Variants in VWC2L observed in about 807,000 individuals in gnomAD.
VWC2L encodes von Willebrand factor C domain-containing protein 2-like.
A neutral mutation model predicts 21.6 loss-of-function variants in VWC2L; 10 were observed. The ratio of observed to expected loss-of-function variants is 0.46; its 90% CI spans 0.29 to 0.78. The LOEUF is 0.78. Ranked by LOEUF, VWC2L falls within the 30% of genes least tolerant of loss-of-function variation. VWC2L has a pLI of 0.10. For synonymous variants in VWC2L, 96 were observed against 94.3 expected, an observed-to-expected ratio of 1.02 and a Z score of -0.10; for missense variants, 209 against 277.1, an observed-to-expected ratio of 0.75 and a Z score of 1.74.
At chr2:214,551,171 C>T (rs1689788512) in intron 3 of VWC2L, among the ~76,000 whole-genome samples, 1 of 152,126 alleles carries the variant, frequency 6.6e-6, no homozygotes, top group African/African-American at 2.4e-5. Flanking sequence ...GTTCGAAGGT[C>T]AGAGAAAGTA....
At chr2:214,568,135 T>C (rs1458958639) in intron 3 of VWC2L, among the ~76,000 whole-genome samples, 2 of 152,212 alleles carry the variant, frequency 1.3e-5, no homozygotes, top group African/African-American at 4.8e-5. Context: ...TCTCTGAGCT[T>C]TACTTTCCTC....
intron 3 of VWC2L, among the ~76,000 whole-genome samples, chr2:214,455,156 C>T (rs1217448879): frequency 6.6e-6 from 1 of 152,040 alleles, no homozygotes; most frequent in Non-Finnish European, 1.5e-5. Flanking sequence ...AATTAGTATA[C>T]ATATATATGT....
intron 3 of VWC2L, among the ~76,000 whole-genome samples, chr2:214,548,371 G>T (rs1414628051): frequency 6.6e-6 from 1 of 152,186 alleles, no homozygotes; most frequent in Non-Finnish European, 1.5e-5. Flanking sequence ...AAAAATGCAT[G>T]TTGGCAGAGA....
At chr2:214,481,009 T>C (rs979182887) in intron 3 of VWC2L, among the ~76,000 whole-genome samples, 10 of 151,934 alleles carry the variant, frequency 6.6e-5, no homozygotes, top group Non-Finnish European at 1.2e-4. Flanking sequence ...TGAGCTAAAG[T>C]ACTGAGCTAA....
At chr2:214,488,938 C>A (rs1688710084) in intron 3 of VWC2L, among the ~76,000 whole-genome samples, 1 of 152,162 alleles carries the variant, frequency 6.6e-6, no homozygotes, top group Non-Finnish European at 1.5e-5. Context: ...CATGAAGGAT[C>A]CACCCCCATC....
At chr2:214,430,351 G>C (rs1239702228) in intron 2 of VWC2L, among the ~76,000 whole-genome samples, 1 of 152,048 alleles carries the variant, frequency 6.6e-6, no homozygotes, top group Non-Finnish European at 1.5e-5. Flanking sequence ...TTCTATTATA[G>C]TAGTACCGCC....
At chr2:214,543,358 C>T (rs1403002016) in intron 3 of VWC2L, among the ~76,000 whole-genome samples, 1 of 152,178 alleles carries the variant, frequency 6.6e-6, no homozygotes. Flanking sequence ...ATAGTAACAT[C>T]AGTTTCACAT....
intron 3 of VWC2L, among the ~76,000 whole-genome samples, chr2:214,468,721 T>C (rs1007145226): frequency 7.9e-5 from 12 of 152,024 alleles, no homozygotes; most frequent in Admixed American, 7.9e-4. Context: ...AGAGAATGGG[T>C]ACCCAGAGAT....
chr2:214,430,802 C>T (rs540757844), intron 2 of VWC2L, among the ~76,000 whole-genome samples: 20 of 152,246 alleles, frequency 1.3e-4, no homozygotes, highest in African/African-American at 3.6e-4. Flanking sequence ...TATACATTTG[C>T]TGAGTAACTG....
chr2:214,565,741 A>AT (rs913733375), intron 3 of VWC2L, among the ~76,000 whole-genome samples: 2 of 152,100 alleles, frequency 1.3e-5, no homozygotes, highest in Non-Finnish European at 2.9e-5. Flanking sequence ...ACAACTTAAC[A>AT]TTTTTTTGTG....
chr2:214,575,022 T>C (rs1490516982), intron 3 of VWC2L, among the ~76,000 whole-genome samples: 2 of 142,350 alleles, frequency 1.4e-5, no homozygotes, highest in African/African-American at 2.8e-5. Context: ...CCCACTATTT[T>C]GGGTCATTCT....
At chr2:214,423,914 T>C (rs1702479330) in intron 2 of VWC2L, among the ~76,000 whole-genome samples, 1 of 152,086 alleles carries the variant, frequency 6.6e-6, no homozygotes, top group East Asian at 1.9e-4. Flanking sequence ...CCATTTTTTT[T>C]TTCACTTAGC....
At chr2:214,567,579 CACACACACACACACACAG>C (rs1263284282) in intron 3 of VWC2L, among the ~76,000 whole-genome samples, 1 of 41,198 alleles carries the variant, frequency 2.4e-5, no homozygotes, top group Non-Finnish European at 9.0e-5. Context: ...CACACACACA[CACACACACACACACACAG>C]AGAGAGAGAG....
rs370760499 is a variant in VWC2L at position 214,575,697 on chromosome 2, G to A, written c.546G>A (p.Thr182=). 3.7e-5 allele frequency: 59 copies of A among 1,613,224 alleles called. No individual in the cohort carries two copies. In the South Asian group the frequency reaches 4.0e-4, roughly 11 times the overall value. ...GTCCAAACTGCTTTGCAGGAACGACGATAATTCCAGCTGGCATTGAAGTGA... is the reference window on the plus strand; with the variant it reads ...GTCCAAACTGCTTTGCAGGAACGACAATAATTCCAGCTGGCATTGAAGTGA... ...KNGPNCFAGT[T]IIPAGIEVKV... is the part of the protein sequence containing the mutation. Residue 182 remains threonine, a synonymous_variant, in exon 4 of 4, where the codon ACG becomes ACA. Coordinates refer to ENST00000312504, the MANE Select transcript of VWC2L (RefSeq NM_001080500.4).
intron 3 of VWC2L, among the ~76,000 whole-genome samples, chr2:214,552,887 T>C (rs1689816477): frequency 6.6e-6 from 1 of 152,210 alleles, no homozygotes; most frequent in Non-Finnish European, 1.5e-5. Context: ...ATGCACTATC[T>C]CTATAACTAA....
chr2:214,431,452 C>A (rs1201789147), intron 2 of VWC2L, among the ~76,000 whole-genome samples: 2 of 152,054 alleles, frequency 1.3e-5, no homozygotes, highest in African/African-American at 4.8e-5. Context: ...ATGAAGTACC[C>A]CTTGGACTCT....
chr2:214,439,922 A>T (rs902074934), intron 3 of VWC2L, among the ~76,000 whole-genome samples: 2 of 151,950 alleles, frequency 1.3e-5, no homozygotes, highest in African/African-American at 4.8e-5. Flanking sequence ...TTAATATTAT[A>T]AAGTGCAGGG....
intron 3 of VWC2L, among the ~76,000 whole-genome samples, chr2:214,491,227 A>G (rs901149315): frequency 6.6e-6 from 1 of 152,170 alleles, no homozygotes; most frequent in Non-Finnish European, 1.5e-5. Flanking sequence ...TGATATGGTA[A>G]TAGGTTAGGG....
chr2:214,486,436 C>A (rs1393937464), intron 3 of VWC2L, among the ~76,000 whole-genome samples: 1 of 152,204 alleles, frequency 6.6e-6, no homozygotes, highest in African/African-American at 2.4e-5. Flanking sequence ...CTTAATTATT[C>A]ATATGCACCT....
Sources: allele counts gnomAD v4.1 joint callset (sites outside exome capture counted in the v4.1 genomes callset), GRCh38; gene constraint gnomAD v4.1.1; transcripts MANE v1.5; gene names NCBI Gene and HGNC (gene_info 2026-07-23, HGNC 2026-07-21).